Variants in NIPBL observed in about 807,000 individuals in gnomAD.
NIPBL encodes NIPBL cohesin loading factor.
Under a neutral mutation model 321.8 loss-of-function variants are expected in NIPBL, and 19 were observed. The ratio of observed to expected loss-of-function variants is 0.06; its 90% CI spans 0.04 to 0.09. The LOEUF (loss-of-function observed/expected upper bound fraction) is 0.09. Among genes scored for constraint, NIPBL ranks in the 10% least tolerant of loss-of-function variants. NIPBL has a pLI of 1.00. For synonymous variants in NIPBL, 1,106 were observed against 1,114.1 expected (o/e 0.99, Z 0.14); for missense variants, 2,210 against 3,327.0 (o/e 0.66, Z 8.26).
chr5:37,038,233 TC>T (rs1201329536), intron 33 of NIPBL, among the ~76,000 whole-genome samples: 22 of 152,166 alleles, frequency 1.4e-4, no homozygotes, highest in African/African-American at 4.6e-4. Context: ...CAAACCTTCT[TC>T]CTGTGATGGC....
chr5:36,902,409 T>G (rs535037609), intron 1 of NIPBL, among the ~76,000 whole-genome samples: 1 of 152,348 alleles, frequency 6.6e-6, no homozygotes, highest in South Asian at 2.1e-4. Context: ...TTTCAGTCTT[T>G]AATCCATCTT....
In NIPBL at chr5:36,903,613, ATGTT is replaced by A. The variant is rs890436474; in HGVS notation, c.-80+26438_-80+26441del. Among the ~76,000 whole-genome samples, 293 of 152,266 alleles carry A rather than the reference ATGTT, an allele frequency of 1.9e-3. 4 individuals carry two copies. Among genetic ancestry groups the A allele is most frequent in the African/African-American group, 6.7e-3 (278 of 41,552 alleles). On this transcript the variant is annotated intron_variant, in intron 1 of 46. Transcript: ENST00000282516. The stretch of plus-strand genomic sequence containing the variant: ...CTGGCACTTGGTGGGTGCTCACTAA[ATGTT>A]TGGGCTGAATGAATTCATATAAACA...
At chr5:36,950,804 G>A (rs980323984) in intron 1 of NIPBL, among the ~76,000 whole-genome samples, 4 of 152,114 alleles carry the variant, frequency 2.6e-5, no homozygotes, top group Admixed American at 1.3e-4. Context: ...GTCATAGCTA[G>A]TTAGTTAGGG....
rs559672904 is a variant in NIPBL at position 36,939,470 on chromosome 5, C to G, written c.-79-14148C>G. ...TATATCATCCAAGTTGATGTTTTTA[C>G]CAATAGTTTTTCCCTTTTATTGTTC... On this transcript the variant is annotated intron_variant, in intron 1 of 46. Coordinates refer to ENST00000282516, the MANE Select transcript of NIPBL (RefSeq NM_133433.4). 2.6e-5 allele frequency among the ~76,000 whole-genome samples: 4 copies of G among 152,238 alleles called. No individual in the cohort carries two copies. In the East Asian group the frequency reaches 7.7e-4, roughly 29 times the overall value.
At chr5:37,023,750 CTTTTTTTTTTTTT>C (rs779595045) in intron 29 of NIPBL, among the ~76,000 whole-genome samples, 2 of 75,860 alleles carry the variant, frequency 2.6e-5, no homozygotes, top group Non-Finnish European at 5.4e-5. Context: ...TTTTCTTATT[CTTTTTTTTTTTTT>C]TTTTTTTTTT....
chr5:36,886,610 T>C (rs1745926702), intron 1 of NIPBL: 2 of 535,242 alleles, frequency 3.7e-6, no homozygotes, highest in Non-Finnish European at 6.7e-6. Flanking sequence ...CTGAAATTTT[T>C]TTAATATGTC....
At position 37,004,465 on chromosome 5, in the gene NIPBL, T is replaced by G. The variant is rs137883176; in HGVS notation, c.3855+1118T>G. ...TGTCCCCTGGGCTGGAGTGCAGTGCTACAGTCATAGCTCATTGTAGTCTGG... is the reference window on the plus strand; with the variant it reads ...TGTCCCCTGGGCTGGAGTGCAGTGCGACAGTCATAGCTCATTGTAGTCTGG... On this transcript the variant is annotated intron_variant, in intron 16 of 46. Transcript: ENST00000282516. 9.2e-5 allele frequency among the ~76,000 whole-genome samples: 14 copies of G among 152,004 alleles called. No homozygotes were observed. The East Asian group carries it at 2.7e-3, about 29-fold the overall frequency.
At chr5:36,881,269 T>C (rs1048514965) in intron 1 of NIPBL, among the ~76,000 whole-genome samples, 1 of 151,590 alleles carries the variant, frequency 6.6e-6, no homozygotes, top group South Asian at 2.1e-4. Flanking sequence ...GTAATAAAAG[T>C]AATTTTAGGT....
chr5:37,046,897 T>C (rs1352666468), intron 38 of NIPBL, among the ~76,000 whole-genome samples: 1 of 152,200 alleles, frequency 6.6e-6, no homozygotes, highest in Non-Finnish European at 1.5e-5. Flanking sequence ...TTGTTGTTTT[T>C]TTTGGTACAA....
chr5:37,013,046 C>CG (rs555560861), intron 21 of NIPBL, among the ~76,000 whole-genome samples: 173 of 144,538 alleles, frequency 1.2e-3, no homozygotes, highest in African/African-American at 4.2e-3. Context: ...GGGGGCTGAC[C>CG]CCCCCCCACC....
chr5:36,888,889 T>C (rs189594876), intron 1 of NIPBL, among the ~76,000 whole-genome samples: 2 of 152,152 alleles, frequency 1.3e-5, no homozygotes, highest in Admixed American at 6.5e-5. Flanking sequence ...ATATCTAGAG[T>C]TTATAACTAA....
At chr5:36,978,165 C>A (rs1743720088) in intron 9 of NIPBL, among the ~76,000 whole-genome samples, 1 of 151,834 alleles carries the variant, frequency 6.6e-6, no homozygotes. Context: ...ATTTTTTGTT[C>A]TTTGAGAAAT....
intron 6 of NIPBL, among the ~76,000 whole-genome samples, chr5:36,965,248 C>T (rs891347483): frequency 6.6e-6 from 1 of 151,892 alleles, no homozygotes; most frequent in African/African-American, 2.4e-5. Flanking sequence ...GTACTATTCA[C>T]AAAATAGCCA....
intron 9 of NIPBL, among the ~76,000 whole-genome samples, chr5:36,982,785 G>A (rs1444603636): frequency 1.3e-5 from 2 of 151,770 alleles, no homozygotes; most frequent in Admixed American, 1.3e-4. Flanking sequence ...CTATGTTAAT[G>A]TTTTTCTGAA....
chr5:37,064,033 T>C (rs1373965164), intron 46 of NIPBL, 55 bp downstream of exon 46: 11 of 1,590,322 alleles, frequency 6.9e-6, no homozygotes, highest in Non-Finnish European at 9.4e-6. Flanking sequence ...AAATGATTTT[T>C]ATGTGCTTAT....
intron 34 of NIPBL, among the ~76,000 whole-genome samples, chr5:37,039,227 A>G (rs951722979): frequency 6.6e-6 from 1 of 151,814 alleles, no homozygotes; most frequent in African/African-American, 2.4e-5. Flanking sequence ...ACAGAGGTCC[A>G]TTTATGGCAC....
intron 6 of NIPBL, among the ~76,000 whole-genome samples, chr5:36,969,091 A>G (rs1270447173): frequency 1.3e-5 from 2 of 152,232 alleles, no homozygotes; most frequent in East Asian, 3.8e-4. Flanking sequence ...ATACCTAGGA[A>G]TAAATTTAAT....
chr5:36,928,125 TTTTC>T (rs1444991932), intron 1 of NIPBL, among the ~76,000 whole-genome samples: 1 of 152,214 alleles, frequency 6.6e-6, no homozygotes, highest in Non-Finnish European at 1.5e-5. Context: ...AATTTCATCT[TTTTC>T]TTATCTGTAA....
chr5:37,010,020 AGACAATAGAT>A, intron 20 of NIPBL, 57 bp from the exon 21 acceptor site: 4 of 1,248,454 alleles, frequency 3.2e-6, no homozygotes, highest in Non-Finnish European at 4.7e-6. Flanking sequence ...TGAAACTTTC[AGACAATAGAT>A]GACATTTAAA....
Sources: gnomAD v4.1 joint callset for allele counts (sites outside exome capture counted in the v4.1 genomes callset) on GRCh38, gnomAD v4.1.1 for gene constraint, MANE v1.5 for transcripts, NCBI Gene and HGNC (gene_info 2026-07-23, HGNC 2026-07-21) for gene names.